Variants in BLTP3A observed in about 807,000 individuals in gnomAD.
The protein encoded by BLTP3A is bridge-like lipid transfer protein family member 3A.
At chr6:34,845,886 C>T in the BLTP3A span, among the ~76,000 whole-genome samples, 1,027 of 151,898 alleles carry the variant, frequency 6.8e-3, 4 homozygotes, top group South Asian at 0.016. Flanking sequence ...CGTGAGCCAC[C>T]GCGCCCGGCC....
At chr6:34,862,353 G>A in the BLTP3A span, among the ~76,000 whole-genome samples, 8 of 151,654 alleles carry the variant, frequency 5.3e-5, no homozygotes, top group Non-Finnish European at 1.0e-4. Context: ...TCCAGCCTGG[G>A]TGATAGAGCG....
chr6:34,837,694 T>G, the BLTP3A span, among the ~76,000 whole-genome samples: 1 of 151,920 alleles, frequency 6.6e-6, no homozygotes, highest in East Asian at 1.9e-4. Flanking sequence ...AAAAATAATC[T>G]TGAAGTGATT....
the BLTP3A span, among the ~76,000 whole-genome samples, chr6:34,842,470 A>G: frequency 1.3e-5 from 2 of 152,070 alleles, no homozygotes; most frequent in African/African-American, 2.4e-5. Context: ...TATTTTTGAT[A>G]TTTGCCTATT....
chr6:34,862,582 C>A, the BLTP3A span, among the ~76,000 whole-genome samples: 1 of 151,918 alleles, frequency 6.6e-6, no homozygotes, highest in East Asian at 1.9e-4. Context: ...CGCCTGTAAT[C>A]CCGGCACTTT....
chr6:34,834,272 A>G, the BLTP3A span: 61 of 1,613,972 alleles, frequency 3.8e-5, 1 homozygote, highest in Middle Eastern at 3.3e-4. Flanking sequence ...TGTCAATTCT[A>G]TCACCATCAA....
chr6:34,859,189 C>A, the BLTP3A span: 1 of 1,613,970 alleles, frequency 6.2e-7, no homozygotes, highest in South Asian at 1.1e-5. Context: ...GGATGTATCC[C>A]AGGAGAGGCC....
chr6:34,854,509 T>C, the BLTP3A span, among the ~76,000 whole-genome samples: 1 of 152,226 alleles, frequency 6.6e-6, no homozygotes, highest in Non-Finnish European at 1.5e-5. Context: ...TTTATACATG[T>C]TCTTTTTAAA....
At chr6:34,864,306 G>C in the BLTP3A span, 1 of 1,133,050 alleles carries the variant, frequency 8.8e-7, no homozygotes, top group Non-Finnish European at 1.2e-6. Context: ...TGATAATATA[G>C]ACATTTTCTT....
At chr6:34,814,812 A>G in the BLTP3A span, among the ~76,000 whole-genome samples, 1 of 152,248 alleles carries the variant, frequency 6.6e-6, no homozygotes, top group Admixed American at 6.5e-5. Flanking sequence ...AAAAAAGTTT[A>G]GATGTATTCC....
the BLTP3A span, among the ~76,000 whole-genome samples, chr6:34,820,989 T>A: frequency 6.9e-6 from 1 of 144,234 alleles, no homozygotes; most frequent in Non-Finnish European, 1.5e-5. Context: ...GGAGTTTTGC[T>A]CTTGTTGCCC....
the BLTP3A span, among the ~76,000 whole-genome samples, chr6:34,812,345 C>T: frequency 2.8e-5 from 4 of 143,342 alleles, no homozygotes; most frequent in African/African-American, 1.1e-4. Flanking sequence ...AAAAAAAAGA[C>T]GAGATGAGCC....
the BLTP3A span, chr6:34,855,751 T>C: frequency 6.2e-7 from 1 of 1,610,620 alleles, no homozygotes; most frequent in Non-Finnish European, 8.5e-7. Flanking sequence ...CCCAAAATAT[T>C]GAGGGCAGAT....
chr6:34,857,772 T>C, the BLTP3A span: 1 of 1,614,240 alleles, frequency 6.2e-7, no homozygotes, highest in Non-Finnish European at 8.5e-7. Context: ...ACATTTACTA[T>C]GGATCCTGTC....
At chr6:34,819,233 C>G in the BLTP3A span, among the ~76,000 whole-genome samples, 1 of 151,084 alleles carries the variant, frequency 6.6e-6, no homozygotes, top group African/African-American at 2.4e-5. Context: ...ATACATGTGC[C>G]ATGCTGGTGC....
chr6:34,825,573 TG>T, the BLTP3A span, among the ~76,000 whole-genome samples: 1 of 152,090 alleles, frequency 6.6e-6, no homozygotes, highest in Non-Finnish European at 1.5e-5. Context: ...TCCCAAAGTG[TG>T]GGGATCACAG....
At chr6:34,838,846 C>T in the BLTP3A span, among the ~76,000 whole-genome samples, 20 of 152,160 alleles carry the variant, frequency 1.3e-4, no homozygotes, top group African/African-American at 3.1e-4. Flanking sequence ...CAGACTGAAG[C>T]GGGAGGATCG....
At chr6:34,821,287 A>C in the BLTP3A span, among the ~76,000 whole-genome samples, 1 of 152,198 alleles carries the variant, frequency 6.6e-6, no homozygotes, top group Non-Finnish European at 1.5e-5. Context: ...AGGGTTCAGA[A>C]ATACCGAAAG....
the BLTP3A span, chr6:34,857,511 T>G: frequency 6.3e-7 from 1 of 1,596,576 alleles, no homozygotes; most frequent in Non-Finnish European, 8.5e-7. Flanking sequence ...TAGCTCATGC[T>G]TTTCCCATTT....
At chr6:34,801,622 A>G in the BLTP3A span, among the ~76,000 whole-genome samples, 6 of 152,226 alleles carry the variant, frequency 3.9e-5, no homozygotes, top group Non-Finnish European at 7.3e-5. Flanking sequence ...TTAGATGTTT[A>G]TGTAGCTGAA....
Sources: gnomAD v4.1 joint callset for allele counts (sites outside exome capture counted in the v4.1 genomes callset) on GRCh38, gnomAD v4.1.1 for gene constraint, MANE v1.5 for transcripts, NCBI Gene and HGNC (gene_info 2026-07-23, HGNC 2026-07-21) for gene names.